TSPAN18: variants seen among roughly 807,000 people sequenced by gnomAD.
TSPAN18 encodes the protein tetraspanin 18.
TSPAN18 carries 14 observed loss-of-function variants against 27.3 expected under a neutral mutation model. The observed-to-expected ratio is 0.51, with a 90% CI of 0.34 to 0.80. The LOEUF (loss-of-function observed/expected upper bound fraction) is 0.80. Ranked by LOEUF, TSPAN18 falls within the 30% of genes least tolerant of loss-of-function variation. The probability of loss-of-function intolerance (pLI) is 0.01; values close to 1 mark genes in which losing one functional copy is unlikely to be tolerated. For missense variants in TSPAN18, 268 were observed against 323.9 expected, an observed-to-expected ratio of 0.83 and a Z score of 1.32; for synonymous variants, 143 against 136.5, an observed-to-expected ratio of 1.05 and a Z score of -0.33.
At chr11:44,902,219 C>T (rs1036478655) in intron 3 of TSPAN18, among the ~76,000 whole-genome samples, 24 of 152,306 alleles carry the variant, frequency 1.6e-4, no homozygotes, top group Non-Finnish European at 3.2e-4. Context: ...CAGCGGGGAG[C>T]CCTTTACACT....
At chr11:44,800,509 C>T (rs536519034) in intron 2 of TSPAN18, among the ~76,000 whole-genome samples, 111 of 152,350 alleles carry the variant, frequency 7.3e-4, no homozygotes, top group African/African-American at 2.6e-3. Flanking sequence ...TGGGTAAGAA[C>T]GGGCCACCTG....
intron 1 of TSPAN18, among the ~76,000 whole-genome samples, chr11:44,756,213 A>G (rs923303116): frequency 3.3e-5 from 5 of 150,164 alleles, no homozygotes; most frequent in African/African-American, 9.8e-5. Context: ...AAGTTAATAT[A>G]TAAATTATTG....
chr11:44,851,612 A>ACCCCCCCCCCCCC (rs1278720815), intron 2 of TSPAN18, among the ~76,000 whole-genome samples: 15 of 110,710 alleles, frequency 1.4e-4, no homozygotes, highest in Non-Finnish European at 2.2e-4. Flanking sequence ...TACTCTTGTC[A>ACCCCCCCCCCCCC]CCTCCCCCCC....
At chr11:44,816,699 G>A (rs546370222) in intron 2 of TSPAN18, among the ~76,000 whole-genome samples, 7 of 152,192 alleles carry the variant, frequency 4.6e-5, no homozygotes, top group East Asian at 1.9e-4. Flanking sequence ...TGCTTTCTCC[G>A]AGCCTGCCTG....
intron 2 of TSPAN18, among the ~76,000 whole-genome samples, chr11:44,814,363 G>A (rs1565161795): frequency 6.6e-6 from 1 of 152,086 alleles, no homozygotes; most frequent in Non-Finnish European, 1.5e-5. Context: ...GTGGCTCCAT[G>A]AAAACTCACT....
At chr11:44,819,597 A>C (rs1459338790) in intron 2 of TSPAN18, among the ~76,000 whole-genome samples, 1 of 152,094 alleles carries the variant, frequency 6.6e-6, no homozygotes, top group African/African-American at 2.4e-5. Flanking sequence ...ATAGACGCTC[A>C]TGCTGCTCTT....
At chr11:44,813,251 C>T (rs927639461) in intron 2 of TSPAN18, among the ~76,000 whole-genome samples, 2 of 152,176 alleles carry the variant, frequency 1.3e-5, no homozygotes, top group African/African-American at 2.4e-5. Flanking sequence ...CCACAGGCCA[C>T]GGCATGAGGA....
intron 3 of TSPAN18, among the ~76,000 whole-genome samples, chr11:44,889,336 C>G (rs2135278169): frequency 6.6e-6 from 1 of 152,224 alleles, no homozygotes; most frequent in South Asian, 2.1e-4. Flanking sequence ...CCCTGACACA[C>G]CCCAGCCATA....
In TSPAN18 at chr11:44,843,299, C is replaced by T. The variant is rs191021414; in HGVS notation, c.-152-17029C>T. The stretch of plus-strand genomic sequence containing the variant: ...GGAGACATCACATATTGGTGGGATC[C>T]GTGATGCCCCACAAGCCACAAAAAC... On this transcript the variant is annotated intron_variant, in intron 2 of 9. Transcript: ENST00000520358. 4.1e-3 allele frequency among the ~76,000 whole-genome samples: 628 copies of T among 152,168 alleles called. 3 individuals carry two copies. Among genetic ancestry groups the T allele is most frequent in the African/African-American group, 0.014 (593 of 41,496 alleles).
At chr11:44,859,866 A>G (rs1857830911) in intron 2 of TSPAN18, 1 of 151,990 alleles carries the variant, frequency 6.6e-6, no homozygotes, top group Non-Finnish European at 1.5e-5. Context: ...CAGTCTCCTT[A>G]TTGGTAAAAA....
intron 5 of TSPAN18, among the ~76,000 whole-genome samples, chr11:44,916,536 A>T (rs1859916868): frequency 6.6e-6 from 1 of 152,032 alleles, no homozygotes; most frequent in Non-Finnish European, 1.5e-5. Flanking sequence ...ATGCTTTCAC[A>T]TGCCTCGTGA....
At chr11:44,785,463 AT>A (rs1489526829) in intron 2 of TSPAN18, among the ~76,000 whole-genome samples, 1 of 151,638 alleles carries the variant, frequency 6.6e-6, no homozygotes, top group Non-Finnish European at 1.5e-5. Context: ...AAAGGAAGAA[AT>A]AGAGGTGTTT....
intron 2 of TSPAN18, among the ~76,000 whole-genome samples, chr11:44,825,275 CTG>C (rs893295934): frequency 5.3e-5 from 8 of 152,248 alleles, no homozygotes; most frequent in Admixed American, 1.3e-4. Context: ...GTGTCAGAAA[CTG>C]TGTGAGAGCT....
chr11:44,776,891 A>T (rs1322062455), intron 2 of TSPAN18, among the ~76,000 whole-genome samples: 2 of 152,144 alleles, frequency 1.3e-5, no homozygotes, highest in African/African-American at 2.4e-5. Flanking sequence ...TGAGTGTTTT[A>T]AAGGGATTGG....
At chr11:44,800,006 G>GTTTTTTTTTTTTTTTTTT (rs60067559) in intron 2 of TSPAN18, among the ~76,000 whole-genome samples, 4 of 109,398 alleles carry the variant, frequency 3.7e-5, no homozygotes, top group Non-Finnish European at 7.2e-5. Context: ...AATTTTTTGT[G>GTTTTTTTTTTTTTTTTTT]TTTTTTTTTT....
At chr11:44,851,343 C>A (rs952966573) in intron 2 of TSPAN18, among the ~76,000 whole-genome samples, 2 of 152,208 alleles carry the variant, frequency 1.3e-5, no homozygotes, top group African/African-American at 4.8e-5. Flanking sequence ...CCCTGACCAC[C>A]CAGAGGTTGC....
rs34822000 is a variant in TSPAN18, at chr11:44,832,326, G to GTCCA, written c.-152-28000_-152-27997dup. ...GGCATCCAGCTCCATGCCTAGCCCA[G>GTCCA]TCCATGCTATTAATGAATAAATGAT... On this transcript the variant is annotated intron_variant, in intron 2 of 9. Transcript: ENST00000520358. Among the ~76,000 whole-genome samples the GTCCA allele has an allele frequency of 7.2e-3, 1,091 of 152,282 alleles. 14 individuals are homozygous for GTCCA. The highest frequency in any genetic ancestry group is 0.025 in the African/African-American group (1,029 of 41,560).
chr11:44,730,315 A>AG, intron 1 of TSPAN18, among the ~76,000 whole-genome samples: 1 of 152,216 alleles, frequency 6.6e-6, no homozygotes, highest in Middle Eastern at 3.4e-3. Context: ...GAGCCCTTTC[A>AG]GTTCCTGGGG....
At chr11:44,745,715 GA>G (rs1022694528) in intron 1 of TSPAN18, among the ~76,000 whole-genome samples, 2 of 152,110 alleles carry the variant, frequency 1.3e-5, no homozygotes, top group Admixed American at 6.6e-5. Flanking sequence ...ATACTTCAAC[GA>G]AAAAAATTCT....
Sources: allele counts gnomAD v4.1 joint callset (sites outside exome capture counted in the v4.1 genomes callset), GRCh38; gene constraint gnomAD v4.1.1; transcripts MANE v1.5; gene names NCBI Gene and HGNC (gene_info 2026-07-23, HGNC 2026-07-21).